SYK: variants seen among roughly 807,000 people sequenced by gnomAD.
The protein encoded by SYK is tyrosine-protein kinase SYK.
A neutral mutation model predicts 77.8 loss-of-function variants in SYK; 16 were observed. The ratio of observed to expected loss-of-function variants is 0.21; its 90% CI spans 0.14 to 0.31. SYK has a LOEUF of 0.31. Ranked by LOEUF, SYK falls within the 10% of genes least tolerant of loss-of-function variation. The pLI is 1.00. For missense variants in SYK, 529 were observed against 814.4 expected, an observed-to-expected ratio of 0.65 and a Z score of 4.26; for synonymous variants, 312 against 308.7, an observed-to-expected ratio of 1.01 and a Z score of -0.11.
intron 1 of SYK, among the ~76,000 whole-genome samples, chr9:90,832,097 A>G (rs1207020414): frequency 6.6e-6 from 1 of 152,238 alleles, no homozygotes; most frequent in Non-Finnish European, 1.5e-5. Flanking sequence ...TGATTGATTG[A>G]CAAAAAAGTT....
At chr9:90,829,612 T>C (rs901326392) in intron 1 of SYK, among the ~76,000 whole-genome samples, 5 of 152,212 alleles carry the variant, frequency 3.3e-5, no homozygotes, top group Admixed American at 6.5e-5. Flanking sequence ...TCTCTTACTT[T>C]CGTGAGCCAT....
At chr9:90,837,199 A>G (rs1273951776) in intron 1 of SYK, among the ~76,000 whole-genome samples, 1 of 152,098 alleles carries the variant, frequency 6.6e-6, no homozygotes, top group Non-Finnish European at 1.5e-5. Flanking sequence ...GGTCAGTTGT[A>G]TATTCACTGT....
At chr9:90,857,258 G>A (rs1827072823) in intron 3 of SYK, among the ~76,000 whole-genome samples, 1 of 152,196 alleles carries the variant, frequency 6.6e-6, no homozygotes, top group African/African-American at 2.4e-5. Context: ...ATCAAAGTAT[G>A]CCATTTTATT....
chr9:90,826,024 A>T (rs1334081788), intron 1 of SYK, among the ~76,000 whole-genome samples: 1 of 152,188 alleles, frequency 6.6e-6, no homozygotes, highest in East Asian at 1.9e-4. Flanking sequence ...CATATCCTCC[A>T]TGTTTCCTGG....
intron 1 of SYK, among the ~76,000 whole-genome samples, chr9:90,841,563 T>G (rs1244335225): frequency 2.0e-5 from 3 of 149,662 alleles, no homozygotes; most frequent in South Asian, 2.1e-4. Flanking sequence ...TGGTGTAGTG[T>G]GTGTGATGTG....
chr9:90,862,564 G>C (rs548976733), intron 4 of SYK, among the ~76,000 whole-genome samples: 4 of 152,322 alleles, frequency 2.6e-5, no homozygotes, highest in East Asian at 3.9e-4. Context: ...CCTCCAGGTG[G>C]CTTCTGTGTT....
intron 6 of SYK, among the ~76,000 whole-genome samples, chr9:90,865,376 C>T (rs896510806): frequency 2.0e-5 from 3 of 151,834 alleles, no homozygotes; most frequent in Admixed American, 1.3e-4. Flanking sequence ...GGTGCAATCA[C>T]GGCTCACTGC....
intron 7 of SYK, 48 bp from the exon 8 acceptor site, chr9:90,874,156 A>T (rs200324655): frequency 2.1e-6 from 3 of 1,402,260 alleles, no homozygotes; most frequent in Non-Finnish European, 3.0e-6. Flanking sequence ...TCAACTTAAC[A>T]GTTTTGTGGA....
At chr9:90,834,684 A>G (rs903533428) in intron 1 of SYK, among the ~76,000 whole-genome samples, 2 of 152,282 alleles carry the variant, frequency 1.3e-5, no homozygotes, top group Non-Finnish European at 2.9e-5. Context: ...CATGTGGTCC[A>G]GGATAGCTAT....
At chr9:90,852,615 C>T (rs2118707417) in intron 3 of SYK, among the ~76,000 whole-genome samples, 1 of 152,232 alleles carries the variant, frequency 6.6e-6, no homozygotes, top group East Asian at 1.9e-4. Flanking sequence ...ACCTTTAAGA[C>T]ACATAAGTGG....
chr9:90,829,650 G>A (rs1208172847), intron 1 of SYK, among the ~76,000 whole-genome samples: 1 of 152,222 alleles, frequency 6.6e-6, no homozygotes, highest in African/African-American at 2.4e-5. Context: ...CAGGGAGGCA[G>A]GAGGTTCATT....
chr9:90,851,624 G>C (rs571501668), intron 3 of SYK, among the ~76,000 whole-genome samples: 1 of 152,172 alleles, frequency 6.6e-6, no homozygotes, highest in Non-Finnish European at 1.5e-5. Flanking sequence ...TGTTGGTGAC[G>C]TCAGGGACCA....
intron 5 of SYK, 130 bp downstream of exon 5, chr9:90,864,797 C>T (rs757781893): frequency 1.6e-4 from 125 of 781,176 alleles, no homozygotes; most frequent in Admixed American, 2.7e-4. Flanking sequence ...ATAATGATAT[C>T]AGAGCACTCC....
At chr9:90,808,965 T>A (rs1312258644) in intron 1 of SYK, among the ~76,000 whole-genome samples, 3 of 152,202 alleles carry the variant, frequency 2.0e-5, no homozygotes, top group Non-Finnish European at 4.4e-5. Context: ...ATGACTTCAT[T>A]TTCTGTAATA....
At chr9:90,886,917 T>G (rs1828599431) in intron 11 of SYK, among the ~76,000 whole-genome samples, 1 of 152,100 alleles carries the variant, frequency 6.6e-6, no homozygotes, top group Non-Finnish European at 1.5e-5. Flanking sequence ...GAAAATGTGG[T>G]GTGTATATAT....
At chr9:90,886,636 C>T (rs145050314) in intron 11 of SYK, among the ~76,000 whole-genome samples, 1,787 of 152,158 alleles carry the variant, frequency 0.012, 35 homozygotes, top group African/African-American at 0.041. Flanking sequence ...ACCCAGGAGG[C>T]GGAGCTTGCA....
intron 3 of SYK, among the ~76,000 whole-genome samples, chr9:90,859,557 G>A (rs1018453230): frequency 6.6e-6 from 1 of 152,212 alleles, no homozygotes; most frequent in Non-Finnish European, 1.5e-5. Context: ...AGATGAAGCT[G>A]CTATAAGTAG....
chr9:90,805,325 T>C (rs919386), intron 1 of SYK, among the ~76,000 whole-genome samples: 83,294 of 152,004 alleles, frequency 0.55, 23,414 homozygotes, highest in East Asian at 0.69. Context: ...CGCTTCCAGT[T>C]ACTGCTGTCC....
chr9:90,822,878 A>G (rs1462522355), intron 1 of SYK, among the ~76,000 whole-genome samples: 1 of 152,246 alleles, frequency 6.6e-6, no homozygotes, highest in African/African-American at 2.4e-5. Flanking sequence ...GCTACCAGAA[A>G]ATAAAAGAAA....
Sources: allele counts gnomAD v4.1 joint callset (sites outside exome capture counted in the v4.1 genomes callset), GRCh38; gene constraint gnomAD v4.1.1; transcripts MANE v1.5; gene names NCBI Gene and HGNC (gene_info 2026-07-23, HGNC 2026-07-21).